The following LEO1 variants were observed in gnomAD, a reference collection of about 807,000 sequenced individuals.
LEO1 encodes LEO1 component of Paf1/RNA polymerase II complex, also known as RNA polymerase-associated protein LEO1.
Under a neutral mutation model 80.4 loss-of-function variants are expected in LEO1, and 34 were observed. The observed-to-expected ratio is 0.42, with a 90% CI of 0.32 to 0.56. The LOEUF is 0.56. LEO1 is among the 20% of genes least tolerant of loss of function. LEO1 has a pLI of 0.10. For synonymous variants in LEO1, 262 were observed against 274.9 expected, an observed-to-expected ratio of 0.95 and a Z score of 0.46; for missense variants, 631 against 814.2, an observed-to-expected ratio of 0.77 and a Z score of 2.74.
chr15:51,938,847 A>T (rs902967532), intron 11 of LEO1, among the ~76,000 whole-genome samples: 1 of 152,240 alleles, frequency 6.6e-6, no homozygotes, highest in African/African-American at 2.4e-5. Flanking sequence ...GAATTTGAAC[A>T]TGTCAGTATC....
chr15:51,942,936 A>C (rs564612630), intron 11 of LEO1, among the ~76,000 whole-genome samples: 1,894 of 150,772 alleles, frequency 0.013, 45 homozygotes, highest in African/African-American at 0.044. Flanking sequence ...AAAAAAAAAA[A>C]ACCAAAAAAA....
chr15:51,952,488 C>G (rs1440720381), intron 8 of LEO1, among the ~76,000 whole-genome samples: 1 of 152,096 alleles, frequency 6.6e-6, no homozygotes, highest in South Asian at 2.1e-4. Context: ...TTTATAATTT[C>G]AAAAAGCTAA....
At chr15:51,955,621 G>A (rs1313915338) in intron 6 of LEO1, among the ~76,000 whole-genome samples, 1 of 152,212 alleles carries the variant, frequency 6.6e-6, no homozygotes, top group African/African-American at 2.4e-5. Flanking sequence ...GAATGAGAAT[G>A]AAGCTGGCAA....
intron 6 of LEO1, among the ~76,000 whole-genome samples, chr15:51,956,401 C>T (rs868252965): frequency 2.3e-4 from 30 of 131,204 alleles, no homozygotes; most frequent in African/African-American, 8.3e-4. Context: ...GCCTGGGCGA[C>T]GACAGAGCAA....
intron 5 of LEO1, among the ~76,000 whole-genome samples, chr15:51,959,549 T>A (rs2057014374): frequency 6.6e-6 from 1 of 152,208 alleles, no homozygotes; most frequent in Non-Finnish European, 1.5e-5. Context: ...CATTACCTTT[T>A]CTAGACCAAC....
At chr15:51,947,986 C>T (rs1466661391) in intron 10 of LEO1, among the ~76,000 whole-genome samples, 1 of 152,298 alleles carries the variant, frequency 6.6e-6, no homozygotes, top group Non-Finnish European at 1.5e-5. Context: ...CTTACGAAGT[C>T]AACTATTAAA....
chr15:51,953,873 T>C (rs1053336980), intron 7 of LEO1, among the ~76,000 whole-genome samples: 1 of 151,832 alleles, frequency 6.6e-6, no homozygotes, highest in Non-Finnish European at 1.5e-5. Flanking sequence ...GGAGGATCGC[T>C]TGAGCCCAGG....
intron 2 of LEO1, 150 bp from the exon 3 acceptor site, chr15:51,962,643 T>C: frequency 1.7e-6 from 1 of 594,098 alleles, no homozygotes; most frequent in East Asian, 2.9e-5. Flanking sequence ...TGTAACCAAT[T>C]GGATGAATCA....
rs530209436 is a variant in LEO1, at chr15:51,938,427, A to G, written c.1897-167T>C. Among the ~76,000 whole-genome samples, 6 of 152,360 alleles carry G rather than the reference A, an allele frequency of 3.9e-5. No homozygotes were observed. In the South Asian group the frequency reaches 1.2e-3, roughly 32 times the overall value. The stretch of plus-strand genomic sequence containing the variant: ...GTCAGCAACTGTGAACTAATCTCTC[A>G]CAGGGAAACCTTTGAACACAGAGTA... On this transcript the variant is annotated intron_variant, in intron 11 of 11. Transcript: ENST00000299601.
chr15:51,969,160 T>C (rs1372896386), intron 1 of LEO1, among the ~76,000 whole-genome samples: 1 of 151,890 alleles, frequency 6.6e-6, no homozygotes, highest in Non-Finnish European at 1.5e-5. Flanking sequence ...GGTTTCACCA[T>C]GTTGGCCAGG....
At chr15:51,958,672 C>T in intron 6 of LEO1, 70 bp downstream of exon 6, 1 of 922,514 alleles carries the variant, frequency 1.1e-6, no homozygotes, top group Non-Finnish European at 1.7e-6. Flanking sequence ...TTCAAAAGCT[C>T]AAGTTTCAAG....
chr15:51,971,565 G>C (rs2057123349), intron 1 of LEO1, 123 bp downstream of exon 1: 1 of 920,244 alleles, frequency 1.1e-6, no homozygotes, highest in South Asian at 1.3e-5. Flanking sequence ...AGTGCAGGGG[G>C]CGCTGAGGCA....
intron 8 of LEO1, among the ~76,000 whole-genome samples, chr15:51,952,691 G>A (rs943575508): frequency 1.3e-5 from 2 of 152,132 alleles, no homozygotes; most frequent in African/African-American, 2.4e-5. Context: ...ATTAGATGCC[G>A]GGGCCTACGG....
Position 51,966,178 on chromosome 15 carries a change from G to C in LEO1, c.385C>G (p.His129Asp). The C allele has an allele frequency of 1.2e-6, 2 of 1,613,888 alleles. No homozygotes were observed. Among genetic ancestry groups the C allele is most frequent in the Non-Finnish European group, 1.7e-6 (2 of 1,180,024 alleles). ...TTTTCAGAACCTTCTGCTTCTGAATGATGGCTCCCTCCATCCGATCTATGA... is the reference window on the plus strand; with the variant it reads ...TTTTCAGAACCTTCTGCTTCTGAATCATGGCTCCCTCCATCCGATCTATGA... ...EGHRSDGGSHHSEAEGSEKAH... is the reference protein window; with the variant it reads ...EGHRSDGGSHDSEAEGSEKAH... Residue 129 changes from histidine to aspartate, a missense_variant, in exon 2 of 12, where the codon CAT becomes GAT. This residue lies in a region of LEO1 where 394 missense variants were observed against 395.6 expected (regional missense o/e 1.00). Coordinates refer to ENST00000299601, the MANE Select transcript of LEO1 (RefSeq NM_138792.4).
chr15:51,948,458 G>A (rs1425691143), intron 10 of LEO1, among the ~76,000 whole-genome samples: 1 of 152,088 alleles, frequency 6.6e-6, no homozygotes, highest in Non-Finnish European at 1.5e-5. Flanking sequence ...TCTGTACTGT[G>A]GTCCCCAAAT....
chr15:51,969,138 T>C (rs2057102050), intron 1 of LEO1, among the ~76,000 whole-genome samples: 1 of 151,862 alleles, frequency 6.6e-6, no homozygotes, highest in African/African-American at 2.4e-5. Flanking sequence ...TTTGTATTTT[T>C]AGTAGAGATA....
chr15:51,946,057 C>T (rs924392046), intron 11 of LEO1, among the ~76,000 whole-genome samples: 1 of 151,650 alleles, frequency 6.6e-6, no homozygotes, highest in Admixed American at 6.6e-5. Context: ...AAGAAAAATT[C>T]TCAGGGCCTA....
At chr15:51,953,629 A>G (rs893792349) in intron 7 of LEO1, among the ~76,000 whole-genome samples, 1 of 152,082 alleles carries the variant, frequency 6.6e-6, no homozygotes, top group Non-Finnish European at 1.5e-5. Context: ...CAAGGAAAAA[A>G]AAAAACAAAA....
chr15:51,967,910 G>A (rs117632017), intron 1 of LEO1, among the ~76,000 whole-genome samples: 3,618 of 152,314 alleles, frequency 0.024, 71 homozygotes, highest in Non-Finnish European at 0.037. Context: ...TAGGCCCGGC[G>A]CAGTGGCTCA....
Sources: allele counts gnomAD v4.1 joint callset (sites outside exome capture counted in the v4.1 genomes callset), GRCh38; gene constraint gnomAD v4.1.1; regional missense constraint gnomAD v4.1.1; transcripts MANE v1.5; gene names NCBI Gene and HGNC (gene_info 2026-07-23, HGNC 2026-07-21).